Variants in ACTR3C observed in about 807,000 individuals in gnomAD.
ACTR3C encodes actin related protein 3C.
Under a neutral mutation model 26.3 loss-of-function variants are expected in ACTR3C, and 18 were observed. That is an observed-to-expected ratio of 0.68 (90% CI 0.47 to 1.01). The LOEUF is 1.01. Ranked by LOEUF, ACTR3C falls within the 50% of genes least tolerant of loss-of-function variation. The pLI is 0.00. For missense variants in ACTR3C, 184 were observed against 250.7 expected (o/e 0.73, Z 1.80); for synonymous variants, 55 against 94.5 (o/e 0.58, Z 2.42).
chr7:150,070,943 C>A, the ACTR3C span, among the ~76,000 whole-genome samples: 2 of 147,958 alleles, frequency 1.4e-5, no homozygotes, highest in African/African-American at 2.5e-5. Context: ...TACAGGCGCC[C>A]GCCACCATGC....
chr7:150,255,590 TA>T (rs1198093970), intron 6 of ACTR3C, among the ~76,000 whole-genome samples: 3 of 152,148 alleles, frequency 2.0e-5, no homozygotes, highest in Non-Finnish European at 4.4e-5. Context: ...CAGTGCCCTT[TA>T]AAAAATGAAC....
chr7:150,039,845 G>A, the ACTR3C span, among the ~76,000 whole-genome samples: 2,326 of 122,728 alleles, frequency 0.019, 15 homozygotes, highest in African/African-American at 0.03. Context: ...AGCGATGGGG[G>A]TCCTAAGAGC....
chr7:150,253,911 T>C (rs569288939), intron 6 of ACTR3C, among the ~76,000 whole-genome samples: 4 of 114,646 alleles, frequency 3.5e-5, no homozygotes, highest in Non-Finnish European at 6.5e-5. Flanking sequence ...TTTTTTCGTG[T>C]TTTTTTTTTT....
chr7:150,242,657 T>C (rs1832255272), downstream of ACTR3C, among the ~76,000 whole-genome samples: 1 of 152,196 alleles, frequency 6.6e-6, no homozygotes, highest in Admixed American at 6.5e-5. Context: ...TCTGATGTAT[T>C]TAGAAAAGGA....
the ACTR3C span, among the ~76,000 whole-genome samples, chr7:149,933,617 A>G: frequency 6.6e-6 from 1 of 152,268 alleles, no homozygotes; most frequent in Non-Finnish European, 1.5e-5. Context: ...AACCCCAAAC[A>G]TGAGCAACAC....
Position 150,249,032 on chromosome 7 carries a change from T to A in ACTR3C, c.587A>T (p.Tyr196Phe). ...AGGATGGAATCCGTGACCTTGAGGA[T>A]AGCTCAGTGGAATTTGTTCCATCTG... ...LYKMEQIPLS[Y>F]PQGHGFHPLS... The change falls in exon 7 of 8, where the codon TAT (tyrosine) becomes TTT (phenylalanine). Residue 196 changes from tyrosine (Y) to phenylalanine (F), a missense_variant. By Grantham distance (22) the Tyr-to-Phe change is conservative (BLOSUM62 3). Coordinates refer to ENST00000683684, the MANE Select transcript of ACTR3C (RefSeq NM_001164458.2). The A allele has an allele frequency of 1.5e-6, 1 of 685,370 alleles. No homozygotes were observed. The highest frequency in any genetic ancestry group is 2.7e-6 in the Non-Finnish European group (1 of 377,346). 42.5% of individuals were successfully genotyped at this position (685,370 alleles called of 1,614,324 possible).
At chr7:150,105,953 TA>T in the ACTR3C span, among the ~76,000 whole-genome samples, 16 of 151,992 alleles carry the variant, frequency 1.1e-4, 1 homozygote, top group East Asian at 1.5e-3. Context: ...GTATTATAAC[TA>T]AAAAAAATTA....
At chr7:149,966,950 C>T in the ACTR3C span, among the ~76,000 whole-genome samples, 1 of 151,490 alleles carries the variant, frequency 6.6e-6, no homozygotes, top group Non-Finnish European at 1.5e-5. Flanking sequence ...CAACCTCCAC[C>T]TCCCAGGCTC....
At chr7:149,887,105 A>G in the ACTR3C span, among the ~76,000 whole-genome samples, 1 of 152,212 alleles carries the variant, frequency 6.6e-6, no homozygotes, top group Non-Finnish European at 1.5e-5. Context: ...AAAAAATTGG[A>G]GAATTTTTAA....
At chr7:149,884,514 T>C in the ACTR3C span, among the ~76,000 whole-genome samples, 1 of 152,152 alleles carries the variant, frequency 6.6e-6, no homozygotes, top group Non-Finnish European at 1.5e-5. Flanking sequence ...CATTTGTTAT[T>C]AGCTCAATTT....
the ACTR3C span, among the ~76,000 whole-genome samples, chr7:150,235,374 T>C: frequency 1.3e-5 from 2 of 152,282 alleles, no homozygotes; most frequent in East Asian, 3.9e-4. Flanking sequence ...TCCCAGACTC[T>C]CTCCCACAGC....
At chr7:150,148,980 T>TCA in the ACTR3C span, among the ~76,000 whole-genome samples, 49,375 of 149,984 alleles carry the variant, frequency 0.33, 8,633 homozygotes, top group African/African-American at 0.38. Context: ...CTCCAGCCCA[T>TCA]CAGTGTCACA....
chr7:150,094,463 A>G, the ACTR3C span, among the ~76,000 whole-genome samples: 1 of 150,354 alleles, frequency 6.7e-6, no homozygotes, highest in South Asian at 2.1e-4. Context: ...GTTACTGTTT[A>G]TCTGTTCTCA....
At chr7:150,060,417 C>T in the ACTR3C span, among the ~76,000 whole-genome samples, 2 of 152,136 alleles carry the variant, frequency 1.3e-5, no homozygotes, top group Non-Finnish European at 1.5e-5. Flanking sequence ...CTCTTTTATT[C>T]TCCTTTCTTC....
chr7:149,971,779 G>A, the ACTR3C span, among the ~76,000 whole-genome samples: 678 of 152,268 alleles, frequency 4.5e-3, 18 homozygotes, highest in Admixed American at 0.039. Flanking sequence ...GGTTTCTACA[G>A]GCACTGCTCC....
At chr7:150,315,016 AAAT>A (rs547008288) in intron 1 of ACTR3C, among the ~76,000 whole-genome samples, 4,426 of 147,426 alleles carry the variant, frequency 0.03, 107 homozygotes, top group Non-Finnish European at 0.045. Context: ...TTAAATAATA[AAAT>A]AATATTTATA....
the ACTR3C span, among the ~76,000 whole-genome samples, chr7:150,046,599 T>G: frequency 2.9e-5 from 4 of 139,446 alleles, no homozygotes; most frequent in Non-Finnish European, 6.1e-5. Flanking sequence ...CTAGCTGTTA[T>G]AAGAGCTGTA....
intron 7 of ACTR3C, 56 bp downstream of exon 7, chr7:150,248,892 T>TA (rs1446482037): frequency 2.2e-6 from 1 of 459,734 alleles, no homozygotes; most frequent in African/African-American, 2.0e-5. Context: ...ATGAAAAAAA[T>TA]AGAAAATTTC....
At chr7:150,209,807 T>G in the ACTR3C span, among the ~76,000 whole-genome samples, 1 of 148,512 alleles carries the variant, frequency 6.7e-6, no homozygotes. Context: ...TCCCAGCTAC[T>G]AGAGAGGCTG....
Sources: gnomAD v4.1 joint callset for allele counts (sites outside exome capture counted in the v4.1 genomes callset) on GRCh38, gnomAD v4.1.1 for gene constraint, MANE v1.5 for transcripts, NCBI Gene and HGNC (gene_info 2026-07-23, HGNC 2026-07-21) for gene names.